Variants in STK32C observed in about 807,000 individuals in gnomAD.
The protein encoded by STK32C is serine/threonine kinase 32C, also known as serine/threonine-protein kinase 32C.
In STK32C, 31 loss-of-function variants were observed where a neutral mutation model predicts 56.5. That is an observed-to-expected ratio of 0.55 (90% confidence interval 0.41 to 0.74). The LOEUF (loss-of-function observed/expected upper bound fraction) is 0.74. Ranked by LOEUF, STK32C falls within the 30% of genes least tolerant of loss-of-function variation. STK32C has a pLI of 0.00. For synonymous variants in STK32C, 309 were observed against 289.4 expected, an observed-to-expected ratio of 1.07 and a Z score of -0.69; for missense variants, 544 against 676.9, an observed-to-expected ratio of 0.80 and a Z score of 2.18.
Position 132,222,694 on chromosome 10 carries a change from T to G in STK32C, c.1198A>C (p.Lys400Gln), listed in dbSNP as rs749294125. 26 of 1,602,454 alleles carry G rather than the reference T, an allele frequency of 1.6e-5. No individual in the cohort carries two copies. Among genetic ancestry groups the G allele is most frequent in the Non-Finnish European group, 1.9e-5 (22 of 1,171,466 alleles). Residue 400 changes from lysine to glutamine, a missense_variant, in exon 10 of 12, where the codon AAG becomes CAG. Lys to Gln is a moderately conservative substitution (Grantham distance 53). Around this residue, in one of 3 missense-constraint regions of STK32C, gnomAD observed 277 missense variants for 309.3 expected, o/e 0.90. Transcript: ENST00000298630. ...CGGGACTTGTTCTTGGCCAGACGCTTCTTCTTCTTGTGCAGGGGCCTGGAC... is the reference window on the plus strand; with the variant it reads ...CGGGACTTGTTCTTGGCCAGACGCTGCTTCTTCTTGTGCAGGGGCCTGGAC... The part of the protein sequence containing the change: ...LESRPLHKKK[K>Q]RLAKNKSRDN...
intron 1 of STK32C, among the ~76,000 whole-genome samples, chr10:132,259,522 G>A (rs1209576593): frequency 6.6e-6 from 1 of 152,080 alleles, no homozygotes; most frequent in Non-Finnish European, 1.5e-5. Context: ...TGCTGTTCTC[G>A]TGATAGTGAG....
At chr10:132,214,421 A>G (rs1211464558) in intron 10 of STK32C, among the ~76,000 whole-genome samples, 2 of 152,212 alleles carry the variant, frequency 1.3e-5, no homozygotes, top group African/African-American at 4.8e-5. Flanking sequence ...CAGTGAAATT[A>G]TTATTTAAAG....
chr10:132,263,176 A>G (rs2064361615), intron 1 of STK32C, among the ~76,000 whole-genome samples: 1 of 152,242 alleles, frequency 6.6e-6, no homozygotes, highest in African/African-American at 2.4e-5. Flanking sequence ...AACAGCAATG[A>G]CGTGAATCAA....
At chr10:132,234,215 G>A (rs1302990855) in intron 2 of STK32C, among the ~76,000 whole-genome samples, 2 of 152,130 alleles carry the variant, frequency 1.3e-5, no homozygotes, top group Non-Finnish European at 2.9e-5. Context: ...CATAATCCGT[G>A]ATCCATCTTG....
intron 1 of STK32C, among the ~76,000 whole-genome samples, chr10:132,250,595 C>G (rs2063864731): frequency 6.8e-6 from 1 of 148,040 alleles, no homozygotes; most frequent in Non-Finnish European, 1.5e-5. Context: ...CAGGTCACTG[C>G]AGAGAGGGGC....
chr10:132,264,963 T>C (rs919565410), intron 1 of STK32C, among the ~76,000 whole-genome samples: 2 of 152,266 alleles, frequency 1.3e-5, no homozygotes, highest in Non-Finnish European at 2.9e-5. Context: ...CCGTATTTTA[T>C]TTATACTCCG....
chr10:132,246,016 C>T (rs2063674312), intron 1 of STK32C, 61 bp from the exon 2 acceptor site: 5 of 1,512,744 alleles, frequency 3.3e-6, no homozygotes, highest in Non-Finnish European at 4.6e-6. Flanking sequence ...CCCAGAGCAG[C>T]TCCCCCACCT....
At chr10:132,246,058 C>A in intron 1 of STK32C, 103 bp from the exon 2 acceptor site, 1 of 1,188,054 alleles carries the variant, frequency 8.4e-7, no homozygotes, top group Non-Finnish European at 1.2e-6. Flanking sequence ...TGCCCAGGGC[C>A]CCTCATCCTA....
chr10:132,225,714 C>A (rs1349048399), intron 5 of STK32C, 33 bp downstream of exon 5: 11 of 1,613,666 alleles, frequency 6.8e-6, no homozygotes, highest in South Asian at 4.4e-5. Flanking sequence ...CTGCCACCAC[C>A]CACCTGGGCT....
At chr10:132,221,087 C>A (rs1281727933) in intron 10 of STK32C, among the ~76,000 whole-genome samples, 2 of 152,270 alleles carry the variant, frequency 1.3e-5, no homozygotes, top group Non-Finnish European at 2.9e-5. Context: ...CCTGTCCTGG[C>A]AGCCCCAGAA....
chr10:132,224,641 C>T, intron 7 of STK32C, 118 bp from the exon 8 acceptor site: 4 of 748,188 alleles, frequency 5.3e-6, no homozygotes, highest in Admixed American at 2.1e-5. Flanking sequence ...CAAGTGCAGG[C>T]ACAGCTCTGA....
chr10:132,326,475 G>A (rs1379608972), intron 1 of STK32C, among the ~76,000 whole-genome samples: 1 of 152,188 alleles, frequency 6.6e-6, no homozygotes, highest in African/African-American at 2.4e-5. Flanking sequence ...GGAATTATGG[G>A]TGCACGCCTG....
chr10:132,234,328 G>A (rs982566375), intron 2 of STK32C, among the ~76,000 whole-genome samples: 18 of 152,170 alleles, frequency 1.2e-4, no homozygotes, highest in Non-Finnish European at 2.6e-4. Context: ...GCATCCCCGA[G>A]TTCTGGGAGG....
chr10:132,276,113 G>T (rs1403086399), intron 1 of STK32C, among the ~76,000 whole-genome samples: 1 of 152,146 alleles, frequency 6.6e-6, no homozygotes, highest in Admixed American at 6.5e-5. Flanking sequence ...GTAATTCTGG[G>T]GCCCAGCTTT....
intron 2 of STK32C, among the ~76,000 whole-genome samples, chr10:132,242,707 T>C (rs1468368837): frequency 5.3e-5 from 8 of 151,556 alleles, no homozygotes; most frequent in African/African-American, 1.9e-4. Flanking sequence ...GGCCCACCAC[T>C]GTTTTGGGTG....
At chr10:132,272,873 C>T (rs2064873257) in intron 1 of STK32C, among the ~76,000 whole-genome samples, 1 of 152,202 alleles carries the variant, frequency 6.6e-6, no homozygotes, top group Non-Finnish European at 1.5e-5. Flanking sequence ...CCTCTGGCCT[C>T]GGCTCCTCCA....
chr10:132,313,388 G>C (rs1055876181), intron 1 of STK32C, among the ~76,000 whole-genome samples: 1 of 152,208 alleles, frequency 6.6e-6, no homozygotes, highest in Non-Finnish European at 1.5e-5. Context: ...CCTTCCACAC[G>C]GGCCACACGA....
At chr10:132,272,401 C>G (rs1383072578) in intron 1 of STK32C, among the ~76,000 whole-genome samples, 1 of 152,166 alleles carries the variant, frequency 6.6e-6, no homozygotes, top group South Asian at 2.1e-4. Flanking sequence ...ACGAACAACC[C>G]GAGCAAATGA....
intron 1 of STK32C, among the ~76,000 whole-genome samples, chr10:132,254,315 A>G (rs937225855): frequency 1.3e-5 from 2 of 152,194 alleles, no homozygotes; most frequent in East Asian, 3.8e-4. Flanking sequence ...ATCAGGGGAG[A>G]AAAAAACAAC....
Sources: allele counts gnomAD v4.1 joint callset (sites outside exome capture counted in the v4.1 genomes callset), GRCh38; gene constraint gnomAD v4.1.1; regional missense constraint gnomAD v4.1.1; transcripts MANE v1.5; gene names NCBI Gene and HGNC (gene_info 2026-07-23, HGNC 2026-07-21).